Variants in VPS13B observed in about 807,000 individuals in gnomAD.
VPS13B encodes vacuolar protein sorting 13 homolog B.
In VPS13B, 285 loss-of-function variants were observed where a neutral mutation model predicts 426.4. The ratio of observed to expected loss-of-function variants is 0.67; its 90% CI spans 0.61 to 0.74. The LOEUF (loss-of-function observed/expected upper bound fraction) is 0.74. Among genes scored for constraint, VPS13B ranks in the 30% least tolerant of loss-of-function variants. VPS13B has a pLI of 0.00. For synonymous variants in VPS13B, 1,676 were observed against 1,676.4 expected (o/e 1.00, Z 0.01); for missense variants, 4,537 against 4,782.6 (o/e 0.95, Z 1.51).
At chr8:99,389,501 T>A (rs1054219372) in intron 20 of VPS13B, 42 of 152,182 alleles carry the variant, frequency 2.8e-4, no homozygotes, top group African/African-American at 1.0e-3. Context: ...ACATAAATAG[T>A]TAATTAACAC....
chr8:99,050,610 C>T (rs1221229418), intron 3 of VPS13B, among the ~76,000 whole-genome samples: 3 of 152,198 alleles, frequency 2.0e-5, no homozygotes, highest in Admixed American at 6.5e-5. Flanking sequence ...AATCGCCACA[C>T]TGACTTCTAC....
rs191674056 is a variant in VPS13B at position 99,019,125 on chromosome 8, A to G, written c.147+5190A>G. Among the ~76,000 whole-genome samples, 23 of 151,920 alleles carry G rather than the reference A, an allele frequency of 1.5e-4. No individual in the cohort carries two copies. In the East Asian group the frequency reaches 4.2e-3, roughly 28 times the overall value. On this transcript the variant is annotated intron_variant, in intron 2 of 61. Coordinates refer to ENST00000357162, the MANE Select transcript of VPS13B (RefSeq NM_152564.5). ...ATTCCCTCTTTTTATAATCTCTAAC[A>G]GTTTATGTAAGATCAATGTTAGTGG... is the stretch of plus-strand genomic sequence containing the variant.
chr8:99,393,513 T>C (rs1814561102), intron 21 of VPS13B, among the ~76,000 whole-genome samples: 1 of 152,140 alleles, frequency 6.6e-6, no homozygotes, highest in Non-Finnish European at 1.5e-5. Flanking sequence ...AATTGCATTT[T>C]ATGTCTTTGG....
intron 17 of VPS13B, among the ~76,000 whole-genome samples, chr8:99,243,882 C>T (rs1053741281): frequency 3.3e-5 from 5 of 152,194 alleles, no homozygotes; most frequent in Admixed American, 3.3e-4. Context: ...CACATGTCAT[C>T]AATCCTGAAG....
chr8:99,108,228 T>G (rs1847155830), intron 5 of VPS13B, among the ~76,000 whole-genome samples: 1 of 152,226 alleles, frequency 6.6e-6, no homozygotes, highest in African/African-American at 2.4e-5. Flanking sequence ...GTCTTGTATT[T>G]TCTTTATCTA....
rs557808954 is a variant in VPS13B at position 99,243,047 on chromosome 8, C to T, written c.2516-31151C>T. On this transcript the variant is annotated intron_variant, in intron 17 of 61. Coordinates refer to ENST00000357162, the MANE Select transcript of VPS13B (RefSeq NM_152564.5). ...TAAAGTCTAAATTTTGACTAAATCCCGGCATCTTAATTCATGAGGAAAGTT... is the reference window on the plus strand; with the variant it reads ...TAAAGTCTAAATTTTGACTAAATCCTGGCATCTTAATTCATGAGGAAAGTT... Among the ~76,000 whole-genome samples, 9 of 152,188 alleles carry T rather than the reference C, an allele frequency of 5.9e-5. No homozygotes were observed. In the Middle Eastern group the frequency reaches 0.01, roughly 173 times the overall value.
At chr8:99,510,265 TA>T (rs1223487085) in intron 28 of VPS13B, among the ~76,000 whole-genome samples, 4 of 152,240 alleles carry the variant, frequency 2.6e-5, no homozygotes, top group Admixed American at 6.5e-5. Context: ...TTGTATAAAT[TA>T]GCCAAATTAT....
chr8:99,200,756 A>G (rs1029758424), intron 17 of VPS13B, among the ~76,000 whole-genome samples: 6 of 152,050 alleles, frequency 3.9e-5, no homozygotes, highest in Admixed American at 6.6e-5. Context: ...TTTCTTTTAA[A>G]TTGTGAGATT....
intron 43 of VPS13B, among the ~76,000 whole-genome samples, chr8:99,801,455 C>T (rs575690591): frequency 1.3e-5 from 2 of 152,240 alleles, no homozygotes; most frequent in African/African-American, 2.4e-5. Flanking sequence ...CTAACACAGT[C>T]GGTATGCTTT....
Position 99,778,713 on chromosome 8 carries a change from C to T in VPS13B, c.7461C>T (p.Ser2487=), listed in dbSNP as rs751190453. The part of the protein sequence containing the change: ...AAPQYLQPFV[S]DRNMPSELEY... Reference sequence around the variant, plus strand: ...CACAGTACCTACAGCCATTTGTTTCCGACAGAAATATGCCATCTGAACTAG... The same window carrying T: ...CACAGTACCTACAGCCATTTGTTTCTGACAGAAATATGCCATCTGAACTAG... Residue 2487 remains serine, a synonymous_variant, in exon 42 of 62, where the codon TCC becomes TCT. Transcript: ENST00000357162. 59 of 1,613,690 alleles carry T rather than the reference C, an allele frequency of 3.7e-5. No homozygotes were observed. The highest frequency in any genetic ancestry group is 4.4e-5 in the Non-Finnish European group (52 of 1,179,866).
At chr8:99,713,588 G>T (rs1198915658) in intron 36 of VPS13B, among the ~76,000 whole-genome samples, 1 of 152,148 alleles carries the variant, frequency 6.6e-6, no homozygotes, top group East Asian at 1.9e-4. Context: ...TGGATAGAGA[G>T]AGAGACAAAG....
chr8:99,625,530 T>C (rs943191616), intron 33 of VPS13B, among the ~76,000 whole-genome samples: 14 of 150,400 alleles, frequency 9.3e-5, no homozygotes, highest in Admixed American at 5.3e-4. Context: ...CTGGGTAACA[T>C]AGTGAGAACC....
At chr8:99,495,607 G>C (rs886862508) in intron 25 of VPS13B, among the ~76,000 whole-genome samples, 1 of 152,142 alleles carries the variant, frequency 6.6e-6, no homozygotes, top group African/African-American at 2.4e-5. Flanking sequence ...TTCTCTAAGG[G>C]ACTTCAGCAG....
At chr8:99,551,912 T>C (rs1824302838) in intron 30 of VPS13B, among the ~76,000 whole-genome samples, 1 of 152,014 alleles carries the variant, frequency 6.6e-6, no homozygotes, top group South Asian at 2.1e-4. Flanking sequence ...GGCTTGGCAT[T>C]TTTCAATAAT....
intron 3 of VPS13B, among the ~76,000 whole-genome samples, chr8:99,063,663 G>C (rs981985748): frequency 3.9e-5 from 6 of 152,232 alleles, no homozygotes; most frequent in Admixed American, 3.9e-4. Context: ...ACAAAAGGCA[G>C]CAGAAACTTC....
At chr8:99,813,599 T>C (rs1588737302) in intron 44 of VPS13B, among the ~76,000 whole-genome samples, 1 of 152,234 alleles carries the variant, frequency 6.6e-6, no homozygotes, top group Non-Finnish European at 1.5e-5. Flanking sequence ...CAGTTGACTT[T>C]TATGGTTTGT....
At chr8:99,477,461 T>C (rs981467266) in intron 24 of VPS13B, among the ~76,000 whole-genome samples, 5 of 152,232 alleles carry the variant, frequency 3.3e-5, no homozygotes, top group Admixed American at 1.3e-4. Context: ...CTCAGAATAT[T>C]ATATAGACCC....
intron 12 of VPS13B, among the ~76,000 whole-genome samples, chr8:99,138,981 A>G (rs901402496): frequency 6.6e-6 from 1 of 152,160 alleles, no homozygotes; most frequent in African/African-American, 2.4e-5. Context: ...GATTGTTTAT[A>G]TATTACTTCT....
intron 21 of VPS13B, among the ~76,000 whole-genome samples, chr8:99,416,459 G>A (rs941371983): frequency 6.6e-6 from 1 of 151,926 alleles, no homozygotes; most frequent in Admixed American, 6.6e-5. Flanking sequence ...GACACCACTG[G>A]CATATGAAAA....
Sources: gnomAD v4.1 joint callset for allele counts (sites outside exome capture counted in the v4.1 genomes callset) on GRCh38, gnomAD v4.1.1 for gene constraint, MANE v1.5 for transcripts, NCBI Gene and HGNC (gene_info 2026-07-23, HGNC 2026-07-21) for gene names.